Variants in PRSS54 observed in about 807,000 individuals in gnomAD.
The protein encoded by PRSS54 is serine protease 54, also known as inactive serine protease 54.
A neutral mutation model predicts 19.9 loss-of-function variants in PRSS54; 16 were observed. That is an observed-to-expected ratio of 0.80 (90% CI 0.54 to 1.22). The LOEUF (loss-of-function observed/expected upper bound fraction) is 1.22, where lower values mean the gene tolerates loss of function less well. Among genes scored for constraint, PRSS54 ranks in the 50% most tolerant of loss-of-function variants. PRSS54 has a pLI of 0.00. For synonymous variants in PRSS54, 177 were observed against 195.8 expected (o/e 0.90, Z 0.80); for missense variants, 444 against 494.8 (o/e 0.90, Z 0.97).
intron 3 of PRSS54, 116 bp from the exon 4 acceptor site, chr16:58,291,252 T>C: frequency 1.1e-6 from 1 of 935,384 alleles, no homozygotes. Flanking sequence ...TTTCTTTCTT[T>C]TGCCTAGTGT....
intron 4 of PRSS54, among the ~76,000 whole-genome samples, chr16:58,290,240 G>T (rs1418729071): frequency 6.6e-6 from 1 of 151,526 alleles, no homozygotes; most frequent in Non-Finnish European, 1.5e-5. Context: ...GGGACATTAG[G>T]TTTCTTTTCA....
In PRSS54 at chr16:58,289,372, T is replaced by C. The variant is rs556862761; in HGVS notation, c.263+1587A>G. On this transcript the variant is annotated intron_variant, in intron 4 of 6. Transcript: ENST00000567164. ...TAATACAAGGGGAAAGAAAATTCTC[T>C]TAATAGATATAAGAATCAATATAGC... 3.3e-5 allele frequency among the ~76,000 whole-genome samples: 5 copies of C among 152,334 alleles called. No individual in the cohort carries two copies. The East Asian group carries it at 7.7e-4, about 23-fold the overall frequency.
At chr16:58,293,629 T>G (rs1157482105) in intron 3 of PRSS54, 103 bp downstream of exon 3, 10 of 1,536,292 alleles carry the variant, frequency 6.5e-6, no homozygotes, top group Non-Finnish European at 7.9e-6. Context: ...TCATCTTCCC[T>G]GAGCCCCTCC....
intron 3 of PRSS54, 106 bp from the exon 4 acceptor site, chr16:58,291,242 T>C: frequency 9.6e-7 from 1 of 1,042,088 alleles, no homozygotes; most frequent in Non-Finnish European, 1.4e-6. Flanking sequence ...CGCAACCCCT[T>C]TTCTTTCTTT....
Position 58,286,150 on chromosome 16 carries a change from G to T in PRSS54, c.309C>A (p.Ser103Arg), listed in dbSNP as rs989044202. The T allele has an allele frequency of 6.2e-7, 1 of 1,614,006 alleles. No homozygotes were observed. Among genetic ancestry groups the T allele is most frequent in the Non-Finnish European group, 8.5e-7 (1 of 1,179,972 alleles). ...VIVGISNMDP[S>R]KIAHTEYPVN... ...CTGGATACTCTGTGTGAGCAATCTT[G>T]CTAGGATCCATGTTACTTATACCCA... The change falls in exon 5 of 7, where the codon AGC (serine) becomes AGA (arginine). Residue 103 changes from serine (S) to arginine (R), a missense_variant. Physicochemically the swap from Ser to Arg is moderately radical, Grantham distance 110. Coordinates refer to ENST00000567164, the MANE Select transcript of PRSS54 (RefSeq NM_001305173.2).
rs374594968 is a variant in PRSS54 at position 58,280,681 on chromosome 16, C to A, written c.731G>T (p.Gly244Val). 9.3e-6 allele frequency: 15 copies of A among 1,614,082 alleles called. No individual in the cohort carries two copies. Among genetic ancestry groups the A allele is most frequent in the Admixed American group, 1.7e-5 (1 of 60,012 alleles). ...LWVLRGVLNF[G>V]GETCPGLFLY... ...AAACAGGCCAGGGCACGTCTCACCACCGAAGTTCAGGACTCCTCTCAGAAC... is the reference window on the plus strand; with the variant it reads ...AAACAGGCCAGGGCACGTCTCACCAACGAAGTTCAGGACTCCTCTCAGAAC... Residue 244 changes from glycine (G) to valine (V), a missense_variant, in exon 7 of 7, where the codon GGT (glycine) becomes GTT (valine). Transcript: ENST00000567164.
Position 58,293,802 on chromosome 16 carries a change from C to A in PRSS54, c.15G>T (p.Ala5=), listed in dbSNP as rs769683254. ...GCATCTTGCCATCCCCAGAGAGACC[C>A]GCCGCGGACACCATGGGCAGCTGGG... is the stretch of plus-strand genomic sequence containing the variant. MVSA[A]GLSGDGKMRG... is the part of the protein sequence containing the mutation. Residue 5 remains alanine, a synonymous_variant, in exon 3 of 7, where the codon GCG becomes GCT. Coordinates refer to ENST00000567164, the MANE Select transcript of PRSS54 (RefSeq NM_001305173.2). The A allele has an allele frequency of 6.2e-7, 1 of 1,613,020 alleles. No individual in the cohort carries two copies. Among genetic ancestry groups the A allele is most frequent in the Non-Finnish European group, 8.5e-7 (1 of 1,179,702 alleles).
At chr16:58,284,537 A>T (rs889651975) in intron 6 of PRSS54, 53 bp downstream of exon 6, 14 of 1,608,430 alleles carry the variant, frequency 8.7e-6, no homozygotes, top group Non-Finnish European at 1.2e-5. Context: ...GCTCCCCTGG[A>T]TGTGACCAAG....
chr16:58,286,296 C>T, intron 4 of PRSS54, 101 bp from the exon 5 acceptor site: 1 of 1,244,418 alleles, frequency 8.0e-7, no homozygotes, highest in Non-Finnish European at 1.2e-6. Flanking sequence ...AACACTCATC[C>T]AGCTCATATT....
At chr16:58,281,314 G>A (rs1964728339) in intron 6 of PRSS54, 1 of 157,658 alleles carries the variant, frequency 6.3e-6, no homozygotes, top group Admixed American at 6.0e-5. Context: ...AGCTAGATAT[G>A]GGACCCTGGC....
At chr16:58,287,953 A>G (rs1334855077) in intron 4 of PRSS54, among the ~76,000 whole-genome samples, 2 of 152,216 alleles carry the variant, frequency 1.3e-5, no homozygotes, top group Non-Finnish European at 2.9e-5. Flanking sequence ...AATTTTATAT[A>G]TTGAATTATA....
chr16:58,294,476 G>T (rs1359937187), intron 1 of PRSS54, among the ~76,000 whole-genome samples: 2 of 152,152 alleles, frequency 1.3e-5, no homozygotes, highest in African/African-American at 4.8e-5. Context: ...TCAGCTTCCT[G>T]AGTAGCTGGG....
chr16:58,285,728 A>C (rs1964904839), intron 5 of PRSS54, among the ~76,000 whole-genome samples: 2 of 132,726 alleles, frequency 1.5e-5, no homozygotes, highest in Admixed American at 1.5e-4. Context: ...TGTCTCAAAA[A>C]AAAAAAAAAA....
chr16:58,287,696 G>A (rs1292928687), intron 4 of PRSS54, among the ~76,000 whole-genome samples: 1 of 152,204 alleles, frequency 6.6e-6, no homozygotes, highest in Admixed American at 6.5e-5. Flanking sequence ...CAGGGTAGAA[G>A]AGTAGAGTGG....
At chr16:58,284,162 C>T (rs969264892) in intron 6 of PRSS54, among the ~76,000 whole-genome samples, 16 of 152,090 alleles carry the variant, frequency 1.1e-4, no homozygotes, top group Non-Finnish European at 1.8e-4. Context: ...CAGCCACATC[C>T]GTACAGCCCT....
intron 4 of PRSS54, among the ~76,000 whole-genome samples, chr16:58,287,750 T>A (rs766458569): frequency 6.6e-6 from 1 of 152,134 alleles, no homozygotes; most frequent in Non-Finnish European, 1.5e-5. Flanking sequence ...ACTAGTAAAG[T>A]TGCTGGACTT....
At position 58,292,647 on chromosome 16, in the gene PRSS54, C is replaced by T. The variant is rs375788746; in HGVS notation, c.85+1085G>A. Among the ~76,000 whole-genome samples, 20 of 152,312 alleles carry T rather than the reference C, an allele frequency of 1.3e-4. No individual in the cohort carries two copies. The South Asian group carries it at 2.3e-3, about 17-fold the overall frequency. Reference sequence around the variant, plus strand: ...CAGACTGATTTTAGCAAGATGATGTCTGGAAGGTCACTAAGTGCATCAGAA... The same window carrying T: ...CAGACTGATTTTAGCAAGATGATGTTTGGAAGGTCACTAAGTGCATCAGAA... On this transcript the variant is annotated intron_variant, in intron 3 of 6. Coordinates refer to ENST00000567164, the MANE Select transcript of PRSS54 (RefSeq NM_001305173.2).
At chr16:58,286,299 C>G (rs2142642917) in intron 4 of PRSS54, 104 bp from the exon 5 acceptor site, 1 of 1,205,832 alleles carries the variant, frequency 8.3e-7, no homozygotes, top group Admixed American at 1.9e-5. Flanking sequence ...ACTCATCCAG[C>G]TCATATTTCC....
In PRSS54 at chr16:58,293,825, G is replaced by A. The variant is rs1252218306; in HGVS notation, c.-6-3C>T. 3.1e-6 allele frequency: 5 copies of A among 1,610,266 alleles called. No individual in the cohort carries two copies. The South Asian group carries it at 4.4e-5, about 14-fold the overall frequency. On this transcript the variant is annotated splice_polypyrimidine_tract_variant and splice_region_variant and intron_variant, in intron 2 of 6. Transcript: ENST00000567164. ...CCCGCCGCGGACACCATGGGCAGCTGGGGAAACAAAACCCAATGACTCCAT... is the reference window on the plus strand; with the variant it reads ...CCCGCCGCGGACACCATGGGCAGCTAGGGAAACAAAACCCAATGACTCCAT...
Sources: gnomAD v4.1 joint callset for allele counts (sites outside exome capture counted in the v4.1 genomes callset) on GRCh38, gnomAD v4.1.1 for gene constraint, MANE v1.5 for transcripts, NCBI Gene and HGNC (gene_info 2026-07-23, HGNC 2026-07-21) for gene names.